The following SNX25 variants were observed in gnomAD, a reference collection of about 807,000 sequenced individuals.
The protein encoded by SNX25 is sorting nexin 25.
Under a neutral mutation model 113.7 loss-of-function variants are expected in SNX25, and 62 were observed. That is an observed-to-expected ratio of 0.55 (90% CI 0.44 to 0.67). SNX25 has a LOEUF of 0.67. Among genes scored for constraint, SNX25 ranks in the 30% least tolerant of loss-of-function variants. The pLI, the probability that SNX25 is intolerant of heterozygous loss-of-function variation, is 0.00. For synonymous variants in SNX25, 421 were observed against 436.2 expected (o/e 0.97, Z 0.43); for missense variants, 1,014 against 1,161.0 (o/e 0.87, Z 1.84).
intron 1 of SNX25, among the ~76,000 whole-genome samples, chr4:185,240,814 A>G (rs1236003028): frequency 2.8e-5 from 4 of 140,428 alleles, no homozygotes; most frequent in African/African-American, 1.1e-4. Context: ...GGCGGTTGCC[A>G]GGCAGAGGGT....
chr4:185,362,158 C>A, intron 17 of SNX25, 53 bp downstream of exon 17: 2 of 1,532,428 alleles, frequency 1.3e-6, no homozygotes, highest in Non-Finnish European at 1.8e-6. Context: ...GGAATGTGAA[C>A]CCCACTGAGG....
At chr4:185,234,271 G>A (rs1225650483) in intron 1 of SNX25, among the ~76,000 whole-genome samples, 1 of 152,144 alleles carries the variant, frequency 6.6e-6, no homozygotes, top group Non-Finnish European at 1.5e-5. Context: ...TATTCACCAG[G>A]AAACATTACG....
rs139836097 is a variant in SNX25, at chr4:185,362,651, C to A, written c.2874C>A (p.His958Gln). 1 of 1,614,030 alleles carries A rather than the reference C, an allele frequency of 6.2e-7. No individual in the cohort carries two copies. The highest frequency in any genetic ancestry group is 8.5e-7 in the Non-Finnish European group (1 of 1,180,010). The change falls in exon 18 of 19, where the codon CAC becomes CAA. Residue 958 changes from histidine to glutamine, a missense_variant. His to Gln is a conservative substitution (Grantham distance 24). Transcript: ENST00000652585. ...QSLVGQQNAR[H>Q]GIIKIFNALQ... ...TTGTTGGACAGCAAAATGCCCGCCA[C>A]GGTATAATAAAAATATTCAATGCAC...
At chr4:185,271,063 G>GCCTCCTGC (rs1490542676) in intron 5 of SNX25, among the ~76,000 whole-genome samples, 5 of 152,114 alleles carry the variant, frequency 3.3e-5, no homozygotes, top group Non-Finnish European at 5.9e-5. Context: ...TCCTAGTATG[G>GCCTCCTGC]CCTCCTGCCA....
chr4:185,371,815 G>A (rs932414455), downstream of SNX25, among the ~76,000 whole-genome samples: 9 of 152,112 alleles, frequency 5.9e-5, no homozygotes, highest in East Asian at 1.9e-4. Flanking sequence ...CTGGGGAAGC[G>A]GGGTAGAAGC....
At chr4:185,287,913 T>TG in intron 5 of SNX25, 99 bp from the exon 6 acceptor site, 1 of 937,646 alleles carries the variant, frequency 1.1e-6, no homozygotes, top group Non-Finnish European at 1.6e-6. Flanking sequence ...TCACAGCTCC[T>TG]GTGTTACATT....
chr4:185,280,183 T>C (rs1441902812), intron 5 of SNX25, among the ~76,000 whole-genome samples: 1 of 152,168 alleles, frequency 6.6e-6, no homozygotes, highest in African/African-American at 2.4e-5. Context: ...CCCAAAGTAT[T>C]GGAATTACAG....
At chr4:185,250,989 G>A (rs1422427459) in intron 2 of SNX25, among the ~76,000 whole-genome samples, 1 of 151,958 alleles carries the variant, frequency 6.6e-6, no homozygotes, top group African/African-American at 2.4e-5. Context: ...GTTCAATAAT[G>A]TTTTGTTGTG....
chr4:185,320,641 C>G (rs187300223), intron 7 of SNX25, 92 bp from the exon 8 acceptor site: 1 of 920,222 alleles, frequency 1.1e-6, no homozygotes, highest in Admixed American at 3.3e-5. Flanking sequence ...TGCATTTTTA[C>G]CCTAAATGTA....
chr4:185,321,789 A>C (rs1276480476), intron 8 of SNX25, among the ~76,000 whole-genome samples: 1 of 152,186 alleles, frequency 6.6e-6, no homozygotes, highest in Non-Finnish European at 1.5e-5. Context: ...GGGGAAAAAA[A>C]CTGCATCTGT....
At position 185,267,038 on chromosome 4, in the gene SNX25, C is replaced by T. The variant is rs371336554; in HGVS notation, c.974C>T (p.Ala325Val). ...YINQMLLAQL[A>V]YREQMNEHHK... ...AACCAAATGCTGCTTGCCCAGCTGG[C>T]GTACAGAGAGCAAATGAATGAGCAT... Residue 325 changes from alanine (A) to valine (V), a missense_variant, in exon 5 of 19, where the codon GCG (alanine) becomes GTG (valine). Coordinates refer to ENST00000652585, the MANE Select transcript of SNX25 (RefSeq NM_001378034.2). 1.7e-5 allele frequency: 28 copies of T among 1,613,844 alleles called. No individual in the cohort carries two copies. The highest frequency in any genetic ancestry group is 8.3e-5 in the Admixed American group (5 of 59,998).
At chr4:185,375,072 A>G (rs1002827245), downstream of SNX25, among the ~76,000 whole-genome samples, 1 of 151,878 alleles carries the variant, frequency 6.6e-6, no homozygotes, top group African/African-American at 2.4e-5. Context: ...ACCTTCAAAC[A>G]TCACCCAAAA....
rs561024716 is a variant in SNX25 at position 185,232,463 on chromosome 4, G to C, written c.430-14831G>C. 3.9e-5 allele frequency among the ~76,000 whole-genome samples: 6 copies of C among 152,172 alleles called. No individual in the cohort carries two copies. The highest frequency in any genetic ancestry group is 1.4e-4 in the African/African-American group (6 of 41,488). On this transcript the variant is annotated intron_variant, in intron 1 of 18. Transcript: ENST00000652585. This position sits in a 1 kb window ranked among gnomAD's most constrained non-coding sequence, Gnocchi z 4.4. Reference sequence around the variant, plus strand: ...CCTGTTTGCTTATCATGACTTTCTAGGTGCATGAGCCGTGCAGTTTGTCAT... The same window carrying C: ...CCTGTTTGCTTATCATGACTTTCTACGTGCATGAGCCGTGCAGTTTGTCAT...
At chr4:185,240,050 A>G (rs1402447614) in intron 1 of SNX25, among the ~76,000 whole-genome samples, 4 of 151,552 alleles carry the variant, frequency 2.6e-5, no homozygotes, top group Non-Finnish European at 5.9e-5. Flanking sequence ...CTGAGTGGAC[A>G]CAGCACATGT....
chr4:185,325,158 G>C (rs188850367), intron 9 of SNX25, among the ~76,000 whole-genome samples: 15 of 152,252 alleles, frequency 9.9e-5, no homozygotes, highest in Admixed American at 3.3e-4. Context: ...GATTGAGATA[G>C]AAACAACATT....
At chr4:185,251,594 A>G (rs942583465) in intron 2 of SNX25, among the ~76,000 whole-genome samples, 3 of 131,476 alleles carry the variant, frequency 2.3e-5, no homozygotes, top group African/African-American at 9.6e-5. Flanking sequence ...ATGATATTCC[A>G]TTGCGTGTGT....
At chr4:185,288,503 T>C (rs940696004) in intron 6 of SNX25, among the ~76,000 whole-genome samples, 2 of 152,046 alleles carry the variant, frequency 1.3e-5, no homozygotes, top group Non-Finnish European at 2.9e-5. Context: ...ATTTTCCTTT[T>C]TTAAGCTTTT....
rs779717620 is a variant in SNX25, at chr4:185,323,796, A to G, written c.1745A>G (p.Glu582Gly). The change falls in exon 9 of 19, where the codon GAG (glutamate) becomes GGG (glycine). Residue 582 changes from glutamate to glycine, a missense_variant. By Grantham distance (98) the Glu-to-Gly change is moderately conservative (BLOSUM62 -2). Transcript: ENST00000652585. ...HASQMISNKD[E>G]MGPRDEAGEE... ...TCACAGATGATTTCCAACAAGGATG[A>G]GATGGTGAGTCACATTTAACTTTCT... 1 of 1,612,070 alleles carries G rather than the reference A, an allele frequency of 6.2e-7. No individual in the cohort carries two copies. The highest frequency in any genetic ancestry group is 8.5e-7 in the Non-Finnish European group (1 of 1,179,554).
intron 2 of SNX25, 22 bp downstream of exon 2, chr4:185,247,400 A>C: frequency 7.0e-7 from 1 of 1,428,242 alleles, no homozygotes; most frequent in South Asian, 1.2e-5. Context: ...ATGAGAGTAT[A>C]TAATTACCAT....
Sources: allele counts gnomAD v4.1 joint callset (sites outside exome capture counted in the v4.1 genomes callset), GRCh38; gene constraint gnomAD v4.1.1; non-coding constraint Gnocchi (gnomAD v3.1); transcripts MANE v1.5; gene names NCBI Gene and HGNC (gene_info 2026-07-23, HGNC 2026-07-21).